CSMD1: variants seen among roughly 807,000 people sequenced by gnomAD.
The protein encoded by CSMD1 is CUB and sushi domain-containing protein 1.
A neutral mutation model predicts 417.5 loss-of-function variants in CSMD1; 213 were observed. The observed-to-expected ratio is 0.51, with a 90% confidence interval of 0.46 to 0.57. The LOEUF (loss-of-function observed/expected upper bound fraction) is 0.57. Ranked by LOEUF, CSMD1 falls within the 20% of genes least tolerant of loss-of-function variation. CSMD1 has a pLI of 0.00. For missense variants in CSMD1, 6,923 were observed against 4,529.7 expected, an observed-to-expected ratio of 1.53 and a Z score of -15.17; for synonymous variants, 2,862 against 1,736.8, an observed-to-expected ratio of 1.65 and a Z score of -16.11.
intron 6 of CSMD1, among the ~76,000 whole-genome samples, chr8:3,711,859 T>C (rs779223356): frequency 9.2e-5 from 14 of 152,128 alleles, no homozygotes; most frequent in African/African-American, 2.2e-4. Flanking sequence ...ATAAAGAGCA[T>C]AGAACTCAAC....
rs371997179 is a variant in CSMD1, at chr8:4,179,862, C to T, written c.416-147763G>A. ...TCACTGGCCATCAGAGAAATGCAAA[C>T]CAAAACCACAATGAGATACCATCTC... On this transcript the variant is annotated intron_variant, in intron 3 of 69. Transcript: ENST00000635120. 8.9e-3 allele frequency among the ~76,000 whole-genome samples: 1,351 copies of T among 152,074 alleles called. 15 individuals carry two copies. Among genetic ancestry groups the T allele is most frequent in the African/African-American group, 0.03 (1,242 of 41,464 alleles).
At chr8:4,920,297 CAAGAT>C (rs764447094) in intron 1 of CSMD1, among the ~76,000 whole-genome samples, 28 of 150,710 alleles carry the variant, frequency 1.9e-4, no homozygotes, top group Admixed American at 2.6e-4. Flanking sequence ...CAAGGCAGTT[CAAGAT>C]AAGTCAATTT....
intron 12 of CSMD1, among the ~76,000 whole-genome samples, chr8:3,450,956 C>A (rs942556254): frequency 1.3e-5 from 2 of 152,102 alleles, no homozygotes; most frequent in Non-Finnish European, 1.5e-5. Flanking sequence ...TCCTATTTCA[C>A]CACATCCTCT....
chr8:4,435,348 C>T (rs1798092455), intron 2 of CSMD1, among the ~76,000 whole-genome samples: 1 of 152,052 alleles, frequency 6.6e-6, no homozygotes, highest in Admixed American at 6.6e-5. Flanking sequence ...AGTTTTGAGG[C>T]CTTATTTAAT....
chr8:3,498,511 T>C (rs1412695378), intron 10 of CSMD1, among the ~76,000 whole-genome samples: 1 of 152,216 alleles, frequency 6.6e-6, no homozygotes, highest in African/African-American at 2.4e-5. Context: ...TTTGGTGATC[T>C]TTGAGCTTCC....
Position 4,994,505 on chromosome 8 carries a change from A to C in CSMD1, c.-89T>G, listed in dbSNP as rs1811653799. 1.6e-6 allele frequency: 2 copies of C among 1,232,426 alleles called. No individual in the cohort carries two copies. Among genetic ancestry groups the C allele is most frequent in the Admixed American group, 3.9e-5 (2 of 51,214 alleles). 76.3% of individuals were successfully genotyped at this position (1,232,426 alleles called of 1,614,324 possible). A position where few individuals can be genotyped will look rare whatever the true frequency, so the allele number is the denominator to read the frequency against. ...CGGAGCCAAATAATCACCCGAGGGC[A>C]AGGCGAGCCGGAGAGAGAGCCCGGT... On this transcript the variant is annotated 5_prime_UTR_variant, in exon 1 of 70. Coordinates refer to ENST00000635120, the MANE Select transcript of CSMD1 (RefSeq NM_033225.6).
intron 41 of CSMD1, among the ~76,000 whole-genome samples, chr8:3,136,888 G>C (rs112750949): frequency 6.8e-4 from 104 of 152,052 alleles, no homozygotes; most frequent in African/African-American, 2.0e-3. Flanking sequence ...ACATGAATTG[G>C]CTAAATTTTT....
chr8:3,505,914 T>C (rs913744236), intron 10 of CSMD1, among the ~76,000 whole-genome samples: 1 of 152,194 alleles, frequency 6.6e-6, no homozygotes, highest in African/African-American at 2.4e-5. Context: ...GGAGGTTCTT[T>C]ACAAATACAC....
At position 3,018,621 on chromosome 8, in the gene CSMD1, G is replaced by A. The variant is rs749133053; in HGVS notation, c.7885C>T (p.Pro2629Ser). The stretch of plus-strand genomic sequence containing the variant: ...AACGTTCCAATCTTGTTGCCATTTG[G>A]GGGAAAGGAAAGGCTTCCACACGAG... ...VISCGSLSFPPNGNKIGTLTV... is the reference protein window; with the variant it reads ...VISCGSLSFPSNGNKIGTLTV... Residue 2629 changes from proline (P) to serine (S), a missense_variant, in exon 52 of 70, where the codon CCA (proline) becomes TCA (serine). By Grantham distance (74) the Pro-to-Ser change is moderately conservative (BLOSUM62 -1). Coordinates refer to ENST00000635120, the MANE Select transcript of CSMD1 (RefSeq NM_033225.6). 2 of 1,612,090 alleles carry A rather than the reference G, an allele frequency of 1.2e-6. No individual in the cohort carries two copies. Among genetic ancestry groups the A allele is most frequent in the Non-Finnish European group, 1.7e-6 (2 of 1,179,012 alleles).
At chr8:3,108,568 C>T (rs1018450702) in intron 44 of CSMD1, 35 bp downstream of exon 44, 1 of 1,608,380 alleles carries the variant, frequency 6.2e-7, no homozygotes. Flanking sequence ...ACATGGAATT[C>T]TCAGTCTTAA....
At position 4,540,113 on chromosome 8, in the gene CSMD1, T is replaced by TG. The variant is rs753543508; in HGVS notation, c.302+97228dup. Among the ~76,000 whole-genome samples, 438 of 152,284 alleles carry TG rather than the reference T, an allele frequency of 2.9e-3. 1 individual carries two copies. Among genetic ancestry groups the TG allele is most frequent in the African/African-American group, 8.6e-3 (356 of 41,556 alleles). On this transcript the variant is annotated intron_variant, in intron 2 of 69. Coordinates refer to ENST00000635120, the MANE Select transcript of CSMD1 (RefSeq NM_033225.6). Reference sequence around the variant, plus strand: ...ATCGTGACACCATATATAAGCCCTATGAATATATAAACACCGAAAGTGGTT... The same window carrying TG: ...ATCGTGACACCATATATAAGCCCTATGGAATATATAAACACCGAAAGTGGTT...
intron 8 of CSMD1, among the ~76,000 whole-genome samples, chr8:3,599,863 A>T (rs1474285226): frequency 6.6e-6 from 1 of 152,178 alleles, no homozygotes; most frequent in Non-Finnish European, 1.5e-5. Flanking sequence ...CATACACAAG[A>T]AAGTGTAATG....
At chr8:4,071,310 T>C (rs558825245) in intron 3 of CSMD1, among the ~76,000 whole-genome samples, 2 of 152,316 alleles carry the variant, frequency 1.3e-5, no homozygotes, top group Admixed American at 1.3e-4. Context: ...ATTCTACTGA[T>C]TAGATAATTT....
At chr8:3,580,235 T>A (rs1327314124) in intron 9 of CSMD1, among the ~76,000 whole-genome samples, 2 of 152,114 alleles carry the variant, frequency 1.3e-5, no homozygotes, top group African/African-American at 4.8e-5. Flanking sequence ...AACAAACACA[T>A]GGACATATAA....
intron 3 of CSMD1, among the ~76,000 whole-genome samples, chr8:4,294,570 G>T (rs191240466): frequency 6.6e-6 from 1 of 152,148 alleles, no homozygotes; most frequent in Non-Finnish European, 1.5e-5. Context: ...CCATGTTAGA[G>T]AATGAAGTGA....
At chr8:4,059,781 T>C (rs1271452285) in intron 3 of CSMD1, among the ~76,000 whole-genome samples, 3 of 151,872 alleles carry the variant, frequency 2.0e-5, no homozygotes, top group African/African-American at 4.8e-5. Flanking sequence ...TAACAGGAGC[T>C]GCAATTGTGG....
chr8:4,648,168 G>A (rs187608444), intron 1 of CSMD1, among the ~76,000 whole-genome samples: 1 of 152,206 alleles, frequency 6.6e-6, no homozygotes, highest in African/African-American at 2.4e-5. Context: ...GATTATCAGT[G>A]ATGTTGAGCT....
At chr8:4,229,330 A>G (rs997879263) in intron 3 of CSMD1, among the ~76,000 whole-genome samples, 7 of 152,120 alleles carry the variant, frequency 4.6e-5, no homozygotes, top group East Asian at 1.9e-4. Context: ...AATGAGTCCA[A>G]TGTGCTTCTT....
chr8:3,320,061 C>G (rs994921367), intron 23 of CSMD1, among the ~76,000 whole-genome samples: 8 of 152,140 alleles, frequency 5.3e-5, no homozygotes, highest in Non-Finnish European at 1.2e-4. Flanking sequence ...ACCATGAACT[C>G]CAGCATAGAG....
Sources: gnomAD v4.1 joint callset for allele counts (sites outside exome capture counted in the v4.1 genomes callset) on GRCh38, gnomAD v4.1.1 for gene constraint, MANE v1.5 for transcripts, NCBI Gene and HGNC (gene_info 2026-07-23, HGNC 2026-07-21) for gene names.